Variants in CHCHD3 observed in about 807,000 individuals in gnomAD.
CHCHD3 encodes the protein coiled-coil-helix-coiled-coil-helix domain containing 3, also known as MICOS complex subunit MIC19.
A neutral mutation model predicts 38.2 loss-of-function variants in CHCHD3; 20 were observed. The observed-to-expected ratio is 0.52, with a 90% CI of 0.37 to 0.76. CHCHD3 has a LOEUF of 0.76. CHCHD3 is among the 30% of genes least tolerant of loss of function. The pLI is 0.00. For synonymous variants in CHCHD3, 82 were observed against 100.0 expected, an observed-to-expected ratio of 0.82 and a Z score of 1.07; for missense variants, 245 against 279.2, an observed-to-expected ratio of 0.88 and a Z score of 0.87.
intron 2 of CHCHD3, among the ~76,000 whole-genome samples, chr7:133,029,637 T>C (rs1584656484): frequency 6.6e-6 from 1 of 152,304 alleles, no homozygotes; most frequent in South Asian, 2.1e-4. Flanking sequence ...GATCAAACGG[T>C]GACCAGCTGG....
At chr7:132,850,405 G>A (rs1808185368) in intron 5 of CHCHD3, among the ~76,000 whole-genome samples, 1 of 150,292 alleles carries the variant, frequency 6.7e-6, no homozygotes, top group Non-Finnish European at 1.5e-5. Context: ...TTTATTCCAG[G>A]AGCTTTAGAA....
chr7:132,809,887 G>A (rs1323661967), intron 6 of CHCHD3, among the ~76,000 whole-genome samples: 1 of 152,070 alleles, frequency 6.6e-6, no homozygotes, highest in African/African-American at 2.4e-5. Flanking sequence ...ATTTCAAAAG[G>A]TTTGAACATA....
At chr7:133,051,845 A>G (rs557112922) in intron 2 of CHCHD3, 23 of 152,332 alleles carry the variant, frequency 1.5e-4, no homozygotes, top group African/African-American at 5.5e-4. Context: ...GTATAATCGC[A>G]GTGTTAGGAA....
intron 5 of CHCHD3, among the ~76,000 whole-genome samples, chr7:132,871,825 A>C (rs1271856428): frequency 2.0e-5 from 3 of 152,238 alleles, no homozygotes; most frequent in Admixed American, 6.5e-5. Flanking sequence ...TCCCCTCATC[A>C]TCTACAACTC....
intron 2 of CHCHD3, among the ~76,000 whole-genome samples, chr7:133,028,331 A>C (rs560055127): frequency 6.6e-6 from 1 of 152,200 alleles, no homozygotes; most frequent in Non-Finnish European, 1.5e-5. Context: ...GAGAGTAACT[A>C]TGATGCACTG....
At chr7:133,019,745 C>T (rs78181083) in intron 3 of CHCHD3, among the ~76,000 whole-genome samples, 1,635 of 152,204 alleles carry the variant, frequency 0.011, 32 homozygotes, top group African/African-American at 0.036. Context: ...AAGTGAAACA[C>T]TTTCACTTGC....
At chr7:133,003,896 T>C (rs1378586545) in intron 3 of CHCHD3, among the ~76,000 whole-genome samples, 2 of 152,210 alleles carry the variant, frequency 1.3e-5, no homozygotes, top group Non-Finnish European at 2.9e-5. Flanking sequence ...CAAAGGGTCC[T>C]GATGAAAATA....
chr7:132,839,306 T>A (rs1807880295), intron 5 of CHCHD3, among the ~76,000 whole-genome samples: 1 of 152,138 alleles, frequency 6.6e-6, no homozygotes, highest in African/African-American at 2.4e-5. Flanking sequence ...CAGATTTAGA[T>A]AATTTTAATA....
chr7:132,957,672 G>C (rs1811217604), intron 4 of CHCHD3, among the ~76,000 whole-genome samples: 1 of 152,034 alleles, frequency 6.6e-6, no homozygotes, highest in African/African-American at 2.4e-5. Flanking sequence ...GTAGAGATGG[G>C]GTTTCGCCAT....
At chr7:133,045,154 T>C (rs1456747577) in intron 2 of CHCHD3, among the ~76,000 whole-genome samples, 1 of 152,176 alleles carries the variant, frequency 6.6e-6, no homozygotes, top group East Asian at 1.9e-4. Context: ...GGAAATAAAA[T>C]GCATTTAAGT....
chr7:132,790,040 C>A (rs1585515493), intron 7 of CHCHD3, among the ~76,000 whole-genome samples: 1 of 152,164 alleles, frequency 6.6e-6, no homozygotes, highest in Non-Finnish European at 1.5e-5. Flanking sequence ...TTTGCCTGTG[C>A]ACCAAGTACT....
intron 5 of CHCHD3, among the ~76,000 whole-genome samples, chr7:132,879,592 C>T (rs923339853): frequency 3.3e-5 from 5 of 151,710 alleles, no homozygotes; most frequent in African/African-American, 1.2e-4. Flanking sequence ...ACACGATAAC[C>T]ACGGTCCTAC....
chr7:132,824,025 C>G (rs1209348230), intron 6 of CHCHD3, among the ~76,000 whole-genome samples: 1 of 152,106 alleles, frequency 6.6e-6, no homozygotes, highest in African/African-American at 2.4e-5. Context: ...TACTATGTTC[C>G]GTCCTTTCAA....
intron 4 of CHCHD3, among the ~76,000 whole-genome samples, chr7:132,959,729 AAAAAAAAAAAAG>A (rs1315351450): frequency 8.6e-5 from 13 of 151,746 alleles, no homozygotes; most frequent in Admixed American, 6.6e-5. Context: ...TCTCAAAAAA[AAAAAAAAAAAAG>A]AAAAAGAAAA....
intron 5 of CHCHD3, among the ~76,000 whole-genome samples, chr7:132,873,136 G>C (rs1396745105): frequency 6.6e-6 from 1 of 151,938 alleles, no homozygotes; most frequent in Non-Finnish European, 1.5e-5. Flanking sequence ...GGATGAAAAG[G>C]GGAGTGGAAT....
intron 3 of CHCHD3, among the ~76,000 whole-genome samples, chr7:132,983,950 A>G (rs1811990284): frequency 7.1e-6 from 1 of 141,086 alleles, no homozygotes. Context: ...TGAAAATACA[A>G]CTTCTCGGAA....
intron 5 of CHCHD3, among the ~76,000 whole-genome samples, chr7:132,852,430 T>A (rs1016521441): frequency 3.3e-5 from 5 of 152,204 alleles, no homozygotes; most frequent in Non-Finnish European, 7.4e-5. Flanking sequence ...GGGAGGGAGG[T>A]ATTTTTGTCA....
At chr7:133,070,075 T>C in intron 2 of CHCHD3, 67 bp downstream of exon 2, 3 of 1,168,732 alleles carry the variant, frequency 2.6e-6, no homozygotes, top group Non-Finnish European at 3.7e-6. Context: ...AGAACTTGAC[T>C]ATTGAGTCAA....
chr7:132,895,246 C>T (rs984149906), intron 4 of CHCHD3, among the ~76,000 whole-genome samples: 1 of 152,192 alleles, frequency 6.6e-6, no homozygotes, highest in Non-Finnish European at 1.5e-5. Context: ...AGCTCTGTAT[C>T]CAGCCATGTG....
Sources: gnomAD v4.1 joint callset for allele counts (sites outside exome capture counted in the v4.1 genomes callset) on GRCh38, gnomAD v4.1.1 for gene constraint, MANE v1.5 for transcripts, NCBI Gene and HGNC (gene_info 2026-07-23, HGNC 2026-07-21) for gene names.